FKBP15: variants seen among roughly 807,000 people sequenced by gnomAD.
FKBP15 encodes the protein FK506-binding protein 15.
FKBP15 carries 106 observed loss-of-function variants against 158.1 expected under a neutral mutation model. The ratio of observed to expected loss-of-function variants is 0.67; its 90% CI spans 0.57 to 0.79. The LOEUF is 0.79. Among genes scored for constraint, FKBP15 ranks in the 30% least tolerant of loss-of-function variants. FKBP15 has a pLI of 0.00. For synonymous variants in FKBP15, 547 were observed against 548.6 expected, an observed-to-expected ratio of 1.00 and a Z score of 0.04; for missense variants, 1,287 against 1,479.1, an observed-to-expected ratio of 0.87 and a Z score of 2.13.
chr9:113,194,245 A>G lies in FKBP15; in HGVS notation c.865-76T>C, dbSNP rs1224655381. On this transcript the variant is annotated intron_variant, in intron 9 of 27. Coordinates refer to ENST00000238256, the MANE Select transcript of FKBP15 (RefSeq NM_015258.2). ...ATCACATGGACACAGGAAGGGGAAC[A>G]TCACACTCTGGGGACTGTTGTCGGG... 8.5e-6 allele frequency: 10 copies of G among 1,178,994 alleles called. No homozygotes were observed. In the African/African-American group the frequency reaches 1.4e-4, roughly 16 times the overall value. The allele number at this position is 1,178,994 out of a possible 1,614,324, so 73.0% of individuals were successfully genotyped here. A position where few individuals can be genotyped will look rare whatever the true frequency, so the allele number is the denominator to read the frequency against.
chr9:113,174,577 A>G lies in FKBP15; in HGVS notation c.2230T>C (p.Ser744Pro). 2 of 1,613,736 alleles carry G rather than the reference A, an allele frequency of 1.2e-6. No homozygotes were observed. Among genetic ancestry groups the G allele is most frequent in the Non-Finnish European group, 1.7e-6 (2 of 1,179,810 alleles). ...VEKESLEKNL[S>P]ERKKKSAQER... ...TGAGCTGACTTCTTTTTCCTTTCTG[A>G]GAGGTTCTTAGGAACAAGAGAACCA... is the stretch of plus-strand genomic sequence containing the variant. The change falls in exon 22 of 28, where the codon TCA becomes CCA. Residue 744 changes from serine to proline, a missense_variant. Ser to Pro is a moderately conservative substitution (Grantham distance 74). Transcript: ENST00000238256.
At chr9:113,216,849 A>G (rs1375172127) in intron 1 of FKBP15, among the ~76,000 whole-genome samples, 1 of 152,156 alleles carries the variant, frequency 6.6e-6, no homozygotes, top group African/African-American at 2.4e-5. Flanking sequence ...TGAAGACTAC[A>G]AAGTCGATCC....
At chr9:113,183,456 C>A (rs1176744162) in intron 18 of FKBP15, among the ~76,000 whole-genome samples, 5 of 151,882 alleles carry the variant, frequency 3.3e-5, no homozygotes, top group African/African-American at 1.2e-4. Context: ...AGTAATAATA[C>A]CAGTTTTAAA....
chr9:113,166,073 G>A lies in FKBP15; in HGVS notation c.*5C>T. On this transcript the variant is annotated 3_prime_UTR_variant, in exon 28 of 28. Transcript: ENST00000238256. ...GAGAAACCTTTGCACCAGTTTCCTG[G>A]GTCTTCATCCCAGCCAGTCAATGTC... 6.2e-7 allele frequency: 1 copy of A among 1,612,780 alleles called. No homozygotes were observed. Among genetic ancestry groups the A allele is most frequent in the South Asian group, 1.1e-5 (1 of 90,668 alleles).
In FKBP15 at chr9:113,193,556, G is replaced by A. The variant is rs1315678051; in HGVS notation, c.1008-7C>T. 1 of 1,593,974 alleles carries A rather than the reference G, an allele frequency of 6.3e-7. No homozygotes were observed. The highest frequency in any genetic ancestry group is 1.3e-5 in the African/African-American group (1 of 74,786). ...GGTACGAAGAGCTGGCTCCCTGAAA[G>A]CAAATAGACCATATTCCAAGATTGA... On this transcript the variant is annotated splice_polypyrimidine_tract_variant and splice_region_variant and intron_variant, in intron 10 of 27. Transcript: ENST00000238256.
chr9:113,179,459 C>T (rs1313193596), intron 19 of FKBP15, among the ~76,000 whole-genome samples: 1 of 151,974 alleles, frequency 6.6e-6, no homozygotes, highest in African/African-American at 2.4e-5. Flanking sequence ...GTCAGGAGTT[C>T]GAGACCAGCC....
chr9:113,217,496 C>T (rs1441743493), intron 1 of FKBP15, among the ~76,000 whole-genome samples: 2 of 152,232 alleles, frequency 1.3e-5, no homozygotes, highest in African/African-American at 2.4e-5. Context: ...AAGCGTGAAC[C>T]ACCACGCACA....
At position 113,164,090 on chromosome 9, in the gene FKBP15, G is replaced by A. The variant is rs1488888716; in HGVS notation, c.*1988C>T. On this transcript the variant is annotated 3_prime_UTR_variant, in exon 28 of 28. Coordinates refer to ENST00000238256, the MANE Select transcript of FKBP15 (RefSeq NM_015258.2). Reference sequence around the variant, plus strand: ...ATGAAAAGATGGTTGTAAGCTTTGGGAATTAAAAACAAACAAATACATTTT... The same window carrying A: ...ATGAAAAGATGGTTGTAAGCTTTGGAAATTAAAAACAAACAAATACATTTT... The A allele has an allele frequency of 7.3e-6, 1 of 136,650 alleles. No homozygotes were observed. The highest frequency in any genetic ancestry group is 1.7e-5 in the Non-Finnish European group (1 of 60,414). 8.5% of individuals were successfully genotyped at this position (136,650 alleles called of 1,614,324 possible). A position where few individuals can be genotyped will look rare whatever the true frequency, so the allele number is the denominator to read the frequency against.
At chr9:113,197,562 G>A (rs1202634696) in intron 8 of FKBP15, among the ~76,000 whole-genome samples, 5 of 152,230 alleles carry the variant, frequency 3.3e-5, no homozygotes, top group East Asian at 1.9e-4. Context: ...CCAGCTACTC[G>A]GGAGGCTGAG....
chr9:113,219,584 T>C (rs530518841), intron 1 of FKBP15, among the ~76,000 whole-genome samples: 5 of 152,228 alleles, frequency 3.3e-5, no homozygotes, highest in African/African-American at 4.8e-5. Flanking sequence ...CACAGTCACA[T>C]GCCTAGAATT....
intron 2 of FKBP15, among the ~76,000 whole-genome samples, chr9:113,208,103 G>A (rs1167246098): frequency 6.6e-6 from 1 of 152,164 alleles, no homozygotes; most frequent in Non-Finnish European, 1.5e-5. Context: ...CAGCACTTTG[G>A]CAGGCCGAGG....
Position 113,169,293 on chromosome 9 carries a change from G to A in FKBP15, c.3416C>T (p.Ser1139Leu), listed in dbSNP as rs564017427. Residue 1139 changes from serine (S) to leucine (L), a missense_variant, in exon 26 of 28, where the codon TCA becomes TTA. By Grantham distance (145) the Ser-to-Leu change is moderately radical. Transcript: ENST00000238256. Reference sequence around the variant, plus strand: ...AACTGTGGAACCTGCCTCTGTGCTTGACAGCTCCTTGTGGGGACCGGTGGA... The same window carrying A: ...AACTGTGGAACCTGCCTCTGTGCTTAACAGCTCCTTGTGGGGACCGGTGGA... ...TSSTGPHKEL[S>L]STEAGSTVAG... 6.2e-7 allele frequency: 1 copy of A among 1,614,054 alleles called. No individual in the cohort carries two copies. The highest frequency in any genetic ancestry group is 8.5e-7 in the Non-Finnish European group (1 of 1,179,906).
intron 25 of FKBP15, 113 bp downstream of exon 25, chr9:113,170,409 A>G (rs1311011607): frequency 6.4e-6 from 5 of 782,496 alleles, no homozygotes; most frequent in Non-Finnish European, 1.1e-5. Flanking sequence ...TGGGATTACA[A>G]GCATAAGCCA....
chr9:113,202,382 A>C (rs1316427907), intron 6 of FKBP15, 149 bp downstream of exon 6: 1 of 502,384 alleles, frequency 2.0e-6, no homozygotes, highest in Non-Finnish European at 3.6e-6. Flanking sequence ...GAAATCATAC[A>C]ATAGGCCGAA....
intron 14 of FKBP15, 122 bp from the exon 15 acceptor site, chr9:113,186,485 G>A (rs1180463742): frequency 1.4e-6 from 1 of 700,810 alleles, no homozygotes; most frequent in Non-Finnish European, 2.5e-6. Context: ...ACTGAAGCTA[G>A]AGATGGGTGA....
rs1162839609 is a variant in FKBP15 at position 113,183,795 on chromosome 9, T to C, written c.1767A>G (p.Glu589=). Residue 589 remains glutamate (E), a synonymous_variant, in exon 18 of 28, where the codon GAA becomes GAG. Transcript: ENST00000238256. The part of the protein sequence containing the change: ...QEILEKSNRI[E]EQNDKISELI... ...GTTCACTAATCTTGTCATTCTGTTCTTCTATCCGATTGCTCTTTTCAAGGA... is the reference window on the plus strand; with the variant it reads ...GTTCACTAATCTTGTCATTCTGTTCCTCTATCCGATTGCTCTTTTCAAGGA... The C allele has an allele frequency of 3.7e-6, 6 of 1,613,618 alleles. No homozygotes were observed. Among genetic ancestry groups the C allele is most frequent in the Non-Finnish European group, 5.1e-6 (6 of 1,179,740 alleles).
Position 113,221,276 on chromosome 9 carries a change from G to T in FKBP15, c.-33C>A, listed in dbSNP as rs1831253863. 4 of 1,585,632 alleles carry T rather than the reference G, an allele frequency of 2.5e-6. No individual in the cohort carries two copies. ...GCTTTCACCGGGTTGCGGGGAGGAA[G>T]CTGGGTATTCCCAGAGTCCCAGGGC... On this transcript the variant is annotated 5_prime_UTR_variant, in exon 1 of 28. Coordinates refer to ENST00000238256, the MANE Select transcript of FKBP15 (RefSeq NM_015258.2).
intron 23 of FKBP15, among the ~76,000 whole-genome samples, chr9:113,172,771 T>G (rs1830236669): frequency 6.6e-6 from 1 of 152,242 alleles, no homozygotes; most frequent in African/African-American, 2.4e-5. Context: ...GTCATTCATC[T>G]GCAAGATTGC....
chr9:113,167,421 T>C (rs1342707903), intron 27 of FKBP15, among the ~76,000 whole-genome samples: 1 of 152,160 alleles, frequency 6.6e-6, no homozygotes, highest in Non-Finnish European at 1.5e-5. Context: ...ATTTGGTTTT[T>C]CCCCCTTTTT....
Sources: gnomAD v4.1 joint callset for allele counts (sites outside exome capture counted in the v4.1 genomes callset) on GRCh38, gnomAD v4.1.1 for gene constraint, MANE v1.5 for transcripts, NCBI Gene and HGNC (gene_info 2026-07-23, HGNC 2026-07-21) for gene names.